The following NRG3 variants were observed in gnomAD, a reference collection of about 807,000 sequenced individuals.
NRG3 encodes neuregulin 3.
In NRG3, 31 loss-of-function variants were observed where a neutral mutation model predicts 66.9. The ratio of observed to expected loss-of-function variants is 0.46; its 90% CI spans 0.35 to 0.63. The LOEUF (loss-of-function observed/expected upper bound fraction) is 0.63, where lower values mean the gene tolerates loss of function less well. Ranked by LOEUF, NRG3 falls within the 20% of genes least tolerant of loss-of-function variation. NRG3 has a pLI of 0.00. For synonymous variants in NRG3, 393 were observed against 359.4 expected, an observed-to-expected ratio of 1.09 and a Z score of -1.06; for missense variants, 910 against 878.9, an observed-to-expected ratio of 1.04 and a Z score of -0.45.
At chr10:82,381,836 T>C (rs10884648) in intron 2 of NRG3, among the ~76,000 whole-genome samples, 62,507 of 151,920 alleles carry the variant, frequency 0.41, 15,950 homozygotes, top group African/African-American at 0.72. Context: ...AAGGTGATAA[T>C]GCAGCAAGGC....
chr10:82,763,920 C>T (rs2059418917), intron 3 of NRG3, among the ~76,000 whole-genome samples: 3 of 152,126 alleles, frequency 2.0e-5, no homozygotes, highest in African/African-American at 4.8e-5. Flanking sequence ...AATATTTGGA[C>T]ATATTGAATG....
chr10:82,138,515 TAGTC>T (rs1204891848), intron 1 of NRG3, among the ~76,000 whole-genome samples: 4 of 152,112 alleles, frequency 2.6e-5, no homozygotes, highest in Non-Finnish European at 4.4e-5. Context: ...TGAAGTGTAT[TAGTC>T]AGGTTCTCTA....
chr10:82,054,029 G>A (rs991471918), intron 1 of NRG3, among the ~76,000 whole-genome samples: 1 of 152,196 alleles, frequency 6.6e-6, no homozygotes, highest in Non-Finnish European at 1.5e-5. Flanking sequence ...GAGAATGGTA[G>A]GATATGAGGT....
chr10:82,632,362 A>C (rs568081842), intron 2 of NRG3, among the ~76,000 whole-genome samples: 1 of 152,156 alleles, frequency 6.6e-6, no homozygotes, highest in Non-Finnish European at 1.5e-5. Context: ...CAGGCCCCTG[A>C]TATTACTTAA....
chr10:82,269,828 T>C, intron 1 of NRG3, among the ~76,000 whole-genome samples: 1 of 152,100 alleles, frequency 6.6e-6, no homozygotes, highest in East Asian at 1.9e-4. Context: ...CAGGTAATGC[T>C]GATGCTGCTG....
At chr10:82,121,595 T>G (rs2068095277) in intron 1 of NRG3, among the ~76,000 whole-genome samples, 2 of 152,060 alleles carry the variant, frequency 1.3e-5, no homozygotes, top group Non-Finnish European at 2.9e-5. Flanking sequence ...GATGACATGT[T>G]AGAGTTTTGG....
intron 1 of NRG3, among the ~76,000 whole-genome samples, chr10:81,980,188 G>T (rs2060282133): frequency 6.6e-6 from 1 of 151,448 alleles, no homozygotes. Flanking sequence ...TTTGTACTTT[G>T]TAGGAGTTGG....
intron 2 of NRG3, among the ~76,000 whole-genome samples, chr10:82,451,977 A>G (rs1206508567): frequency 2.0e-5 from 3 of 152,216 alleles, no homozygotes; most frequent in African/African-American, 7.2e-5. Flanking sequence ...CTCTATGGAA[A>G]GTCATAGTGG....
chr10:82,168,724 A>G (rs1196247784), intron 1 of NRG3, among the ~76,000 whole-genome samples: 2 of 152,184 alleles, frequency 1.3e-5, no homozygotes, highest in East Asian at 3.9e-4. Flanking sequence ...GCCTAATGTG[A>G]GAGAAAGTTC....
intron 1 of NRG3, among the ~76,000 whole-genome samples, chr10:82,041,814 C>A: frequency 1.2e-5 from 1 of 84,754 alleles, no homozygotes; most frequent in South Asian, 9.8e-4. Context: ...CTACTGATCT[C>A]TCTCTCTCTC....
chr10:81,966,606 T>C (rs1375298514), intron 1 of NRG3, among the ~76,000 whole-genome samples: 1 of 152,118 alleles, frequency 6.6e-6, no homozygotes, highest in East Asian at 1.9e-4. Context: ...TCATTACTCC[T>C]TTCTATTTTC....
intron 1 of NRG3, among the ~76,000 whole-genome samples, chr10:81,943,032 C>G (rs1848533829): frequency 6.6e-6 from 1 of 152,038 alleles, no homozygotes; most frequent in Non-Finnish European, 1.5e-5. Flanking sequence ...ACATAATTTA[C>G]CTTATCACAT....
intron 2 of NRG3, among the ~76,000 whole-genome samples, chr10:82,434,423 A>G (rs1170732635): frequency 2.0e-5 from 3 of 152,042 alleles, no homozygotes; most frequent in East Asian, 3.9e-4. Context: ...CTCTGTTCCT[A>G]TTCGAATACT....
chr10:82,440,580 A>C (rs769277460), intron 2 of NRG3, among the ~76,000 whole-genome samples: 15 of 151,952 alleles, frequency 9.9e-5, no homozygotes, highest in Non-Finnish European at 1.8e-4. Flanking sequence ...CTAATATCTT[A>C]TCTGTAACAT....
intron 3 of NRG3, among the ~76,000 whole-genome samples, chr10:82,771,653 CA>C (rs1449334506): frequency 2.0e-5 from 3 of 152,110 alleles, no homozygotes; most frequent in Non-Finnish European, 2.9e-5. Flanking sequence ...CAACACTTAC[CA>C]AAATTATTAA....
chr10:82,727,353 G>A (rs1288524564), intron 2 of NRG3, among the ~76,000 whole-genome samples: 1 of 152,116 alleles, frequency 6.6e-6, no homozygotes, highest in South Asian at 2.1e-4. Flanking sequence ...TTGTGGGCCA[G>A]GCCTAGGGCC....
intron 2 of NRG3, among the ~76,000 whole-genome samples, chr10:82,670,316 C>CA (rs1261739439): frequency 1.3e-5 from 2 of 152,132 alleles, no homozygotes; most frequent in African/African-American, 4.8e-5. Flanking sequence ...AAATGAAGCA[C>CA]AAACACACAT....
chr10:82,153,866 TAATA>T (rs1401771516), intron 1 of NRG3, among the ~76,000 whole-genome samples: 4 of 152,086 alleles, frequency 2.6e-5, no homozygotes, highest in African/African-American at 7.2e-5. Context: ...TGTCTTCTTT[TAATA>T]AATATCTATT....
chr10:82,803,701 A>C (rs942178639), intron 3 of NRG3, among the ~76,000 whole-genome samples: 1 of 151,388 alleles, frequency 6.6e-6, no homozygotes, highest in Non-Finnish European at 1.5e-5. Flanking sequence ...CAAGTCAGAC[A>C]TGCCCATGAT....
Sources: gnomAD v4.1 joint callset for allele counts (sites outside exome capture counted in the v4.1 genomes callset) on GRCh38, gnomAD v4.1.1 for gene constraint, MANE v1.5 for transcripts, NCBI Gene and HGNC (gene_info 2026-07-23, HGNC 2026-07-21) for gene names.